FAM219A: variants seen among roughly 807,000 people sequenced by gnomAD.
FAM219A encodes the protein protein FAM219A.
Under a neutral mutation model 23.4 loss-of-function variants are expected in FAM219A, and 7 were observed. That is an observed-to-expected ratio of 0.30 (90% confidence interval 0.17 to 0.56). The LOEUF (loss-of-function observed/expected upper bound fraction) is 0.56, where lower values mean the gene tolerates loss of function less well. Ranked by LOEUF, FAM219A falls within the 20% of genes least tolerant of loss-of-function variation. The pLI, the probability that FAM219A is intolerant of heterozygous loss-of-function variation, is 0.92. For synonymous variants in FAM219A, 93 were observed against 99.0 expected, an observed-to-expected ratio of 0.94 and a Z score of 0.36; for missense variants, 166 against 246.9, an observed-to-expected ratio of 0.67 and a Z score of 2.20.
At chr9:34,455,507 C>T (rs1178318614) in intron 1 of FAM219A, among the ~76,000 whole-genome samples, 3 of 142,798 alleles carry the variant, frequency 2.1e-5, no homozygotes, top group African/African-American at 7.9e-5. Flanking sequence ...TGCTCTGTTG[C>T]CCAGGCTGGA....
intron 1 of FAM219A, among the ~76,000 whole-genome samples, chr9:34,441,641 T>C (rs1055321547): frequency 6.6e-6 from 1 of 152,060 alleles, no homozygotes. Flanking sequence ...GCTGTACAAA[T>C]GTGAAGGAAA....
At chr9:34,411,585 G>A (rs1478094727) in intron 1 of FAM219A, among the ~76,000 whole-genome samples, 2 of 151,432 alleles carry the variant, frequency 1.3e-5, no homozygotes, top group Non-Finnish European at 2.9e-5. Flanking sequence ...GCTGAGGCAG[G>A]AGAATGGCTA....
Position 34,398,562 on chromosome 9 carries a change from G to C in FAM219A, c.*2402C>G. On this transcript the variant is annotated 3_prime_UTR_variant, in exon 6 of 6. Coordinates refer to ENST00000651358, the MANE Select transcript of FAM219A (RefSeq NM_001184940.2). ...CTGCCTCAGTTGGAAGCCCTTGCCT[G>C]CCAGGGAACTAGTATGTCCTGTGGG... 1.6e-6 allele frequency: 1 copy of C among 613,632 alleles called. No individual in the cohort carries two copies. The allele number at this position is 613,632 out of a possible 1,614,324, so 38.0% of individuals were successfully genotyped here.
chr9:34,401,766 T>C lies in FAM219A; in HGVS notation c.345-46A>G, dbSNP rs2275262. The C allele has an allele frequency of 0.014, 22,673 of 1,583,524 alleles. 866 individuals are homozygous for C. The East Asian group carries it at 0.15, about 11-fold the overall frequency. On this transcript the variant is annotated intron_variant, in intron 4 of 5. Coordinates refer to ENST00000651358, the MANE Select transcript of FAM219A (RefSeq NM_001184940.2). ...GGGAAAGTGATACCAAGAAATTACA[T>C]AGAAAACTCTCTGCAATCCCACCTC...
chr9:34,416,480 G>T (rs1225631266), intron 1 of FAM219A, among the ~76,000 whole-genome samples: 1 of 152,022 alleles, frequency 6.6e-6, no homozygotes, highest in Non-Finnish European at 1.5e-5. Context: ...AGTATATTTT[G>T]TGGCTGGGCC....
chr9:34,458,189 C>G lies in FAM219A; in HGVS notation c.60+15G>C. The G allele has an allele frequency of 8.9e-6, 14 of 1,581,770 alleles. No homozygotes were observed. The highest frequency in any genetic ancestry group is 1.2e-5 in the Non-Finnish European group (14 of 1,169,708). On this transcript the variant is annotated intron_variant, in intron 1 of 5. Coordinates refer to ENST00000651358, the MANE Select transcript of FAM219A (RefSeq NM_001184940.2). The surrounding 1 kb of genome is among the most constrained non-coding windows in gnomAD (Gnocchi z 6.6). ...CCCCCTCCGGCCTTGGCCTGCCCGC[C>G]GCCCGCCCCCTCACCAGCGGCTGCA...
At position 34,458,546 on chromosome 9, in the gene FAM219A, A is replaced by G; in HGVS notation, c.-283T>C. The G allele has an allele frequency of 2.6e-6, 1 of 378,444 alleles. No individual in the cohort carries two copies. Among genetic ancestry groups the G allele is most frequent in the South Asian group, 3.6e-5 (1 of 27,920 alleles). The allele number at this position is 378,444 out of a possible 1,614,324, so 23.4% of individuals were successfully genotyped here. A position where few individuals can be genotyped will look rare whatever the true frequency, so the allele number is the denominator to read the frequency against. Reference sequence around the variant, plus strand: ...TCCTACTCCGCTGCCGCCTCCTGTCAGCAGCTCAGCCACTGCGGTGACTCG... The same window carrying G: ...TCCTACTCCGCTGCCGCCTCCTGTCGGCAGCTCAGCCACTGCGGTGACTCG... On this transcript the variant is annotated 5_prime_UTR_variant, in exon 1 of 6. Coordinates refer to ENST00000651358, the MANE Select transcript of FAM219A (RefSeq NM_001184940.2). The surrounding 1 kb of genome is among the most constrained non-coding windows in gnomAD (Gnocchi z 6.6).
chr9:34,443,530 A>G (rs757720304), intron 1 of FAM219A, among the ~76,000 whole-genome samples: 10 of 152,326 alleles, frequency 6.6e-5, no homozygotes, highest in Admixed American at 1.3e-4. Context: ...ACAGAAAAAG[A>G]AAATCAGCAA....
intron 1 of FAM219A, among the ~76,000 whole-genome samples, chr9:34,431,749 G>A (rs1181021995): frequency 6.6e-6 from 1 of 151,914 alleles, no homozygotes; most frequent in Non-Finnish European, 1.5e-5. Context: ...TAAAAAAGAG[G>A]AATACATAGT....
intron 1 of FAM219A, among the ~76,000 whole-genome samples, chr9:34,433,254 T>C (rs1196949679): frequency 1.3e-5 from 2 of 152,250 alleles, no homozygotes; most frequent in Non-Finnish European, 2.9e-5. Context: ...GAGAACACTT[T>C]CAGGTTGGCT....
chr9:34,415,473 GT>G (rs1466148188), intron 1 of FAM219A, among the ~76,000 whole-genome samples: 1 of 152,208 alleles, frequency 6.6e-6, no homozygotes, highest in Non-Finnish European at 1.5e-5. Context: ...GCTATGAAAA[GT>G]TTTATAGATT....
intron 3 of FAM219A, 28 bp downstream of exon 3, chr9:34,402,677 G>T (rs778542803): frequency 5.5e-5 from 88 of 1,611,610 alleles, no homozygotes; most frequent in Non-Finnish European, 7.2e-5. Flanking sequence ...GGCTGGCAGG[G>T]TCCAGGTGGG....
At chr9:34,439,673 CATT>C (rs1353581349) in intron 1 of FAM219A, among the ~76,000 whole-genome samples, 1 of 151,884 alleles carries the variant, frequency 6.6e-6, no homozygotes, top group African/African-American at 2.4e-5. Context: ...GCAGCAAGAA[CATT>C]ATGCGCAAAG....
At chr9:34,453,390 G>C (rs578255771) in intron 1 of FAM219A, among the ~76,000 whole-genome samples, 1 of 152,238 alleles carries the variant, frequency 6.6e-6, no homozygotes, top group East Asian at 1.9e-4. Context: ...TCCTTCCCAA[G>C]CTCATGTAGT....
At chr9:34,440,605 C>T (rs1823130622) in intron 1 of FAM219A, among the ~76,000 whole-genome samples, 1 of 151,974 alleles carries the variant, frequency 6.6e-6, no homozygotes, top group Admixed American at 6.5e-5. Context: ...AATCCCAGCA[C>T]TTTGGAAGGC....
intron 1 of FAM219A, among the ~76,000 whole-genome samples, chr9:34,443,423 G>C (rs1183405541): frequency 6.6e-6 from 1 of 152,130 alleles, no homozygotes; most frequent in East Asian, 1.9e-4. Context: ...CCTCACCACA[G>C]CCCTGTCAAG....
In FAM219A at chr9:34,401,156, C is replaced by T. The variant is rs767277074; in HGVS notation, c.400-34G>A. On this transcript the variant is annotated intron_variant, in intron 5 of 5. Coordinates refer to ENST00000651358, the MANE Select transcript of FAM219A (RefSeq NM_001184940.2). ...AAAGGGGAGGGAGGTCAGGCCCGAG[C>T]GGCAGGGAGGCACCACCCACAGCTC... 3.3e-5 allele frequency: 53 copies of T among 1,605,402 alleles called. No individual in the cohort carries two copies. In the East Asian group the frequency reaches 7.6e-4, roughly 23 times the overall value.
chr9:34,422,429 T>C (rs1822316596), intron 1 of FAM219A, among the ~76,000 whole-genome samples: 1 of 152,172 alleles, frequency 6.6e-6, no homozygotes, highest in South Asian at 2.1e-4. Context: ...CCCAGCCCCT[T>C]CTCAGAGACT....
intron 1 of FAM219A, among the ~76,000 whole-genome samples, chr9:34,438,373 C>A (rs954831126): frequency 6.6e-6 from 1 of 152,228 alleles, no homozygotes; most frequent in Admixed American, 6.5e-5. Flanking sequence ...CCTGCAGCAC[C>A]GGTGCGGGAT....
Sources: allele counts gnomAD v4.1 joint callset (sites outside exome capture counted in the v4.1 genomes callset), GRCh38; gene constraint gnomAD v4.1.1; non-coding constraint Gnocchi (gnomAD v3.1); transcripts MANE v1.5; gene names NCBI Gene and HGNC (gene_info 2026-07-23, HGNC 2026-07-21).